The following CHRM3 variants were observed in gnomAD, a reference collection of about 807,000 sequenced individuals.
The protein encoded by CHRM3 is muscarinic acetylcholine receptor M3.
Under a neutral mutation model 41.8 loss-of-function variants are expected in CHRM3, and 11 were observed. The observed-to-expected ratio is 0.26, with a 90% CI of 0.17 to 0.44. CHRM3 has a LOEUF of 0.44. CHRM3 is among the 20% of genes least tolerant of loss of function. The pLI is 1.00. For synonymous variants in CHRM3, 297 were observed against 301.4 expected (o/e 0.99, Z 0.15); for missense variants, 571 against 745.4 (o/e 0.77, Z 2.72).
At chr1:239,762,075 G>A (rs1272783535) in intron 5 of CHRM3, among the ~76,000 whole-genome samples, 1 of 152,124 alleles carries the variant, frequency 6.6e-6, no homozygotes, top group Non-Finnish European at 1.5e-5. Flanking sequence ...GTTGCCCAGG[G>A]TCTGAAAACC....
At chr1:239,458,489 T>C (rs1665121049) in intron 1 of CHRM3, among the ~76,000 whole-genome samples, 1 of 152,178 alleles carries the variant, frequency 6.6e-6, no homozygotes, top group Non-Finnish European at 1.5e-5. Context: ...TATACCAAAA[T>C]GGAAGTCCCT....
chr1:239,645,007 G>C (rs1205721077), intron 4 of CHRM3, among the ~76,000 whole-genome samples: 2 of 152,158 alleles, frequency 1.3e-5, no homozygotes, highest in Non-Finnish European at 2.9e-5. Flanking sequence ...TGTTCAACCT[G>C]TACTGCTACT....
intron 6 of CHRM3, among the ~76,000 whole-genome samples, chr1:239,874,303 A>ATATC (rs796373002): frequency 8.1e-6 from 1 of 123,996 alleles, no homozygotes; most frequent in Non-Finnish European, 1.6e-5. Context: ...ATATATATAT[A>ATATC]TATATATATA....
chr1:239,619,032 A>G (rs1236047430), intron 3 of CHRM3, among the ~76,000 whole-genome samples: 2 of 150,970 alleles, frequency 1.3e-5, no homozygotes, highest in African/African-American at 4.9e-5. Flanking sequence ...CTCTTGCCTC[A>G]GCCTCCCAAG....
chr1:239,787,882 C>T (rs2148841082), intron 5 of CHRM3, among the ~76,000 whole-genome samples: 1 of 152,242 alleles, frequency 6.6e-6, no homozygotes, highest in South Asian at 2.1e-4. Flanking sequence ...ATTTAAAGTA[C>T]ACTGTAATTC....
intron 2 of CHRM3, among the ~76,000 whole-genome samples, chr1:239,525,478 T>C (rs1383715638): frequency 6.6e-6 from 1 of 152,144 alleles, no homozygotes; most frequent in African/African-American, 2.4e-5. Context: ...TTATTTTAAC[T>C]GTAAATCATA....
intron 6 of CHRM3, among the ~76,000 whole-genome samples, chr1:239,833,905 TC>T (rs1245242418): frequency 6.6e-6 from 1 of 152,130 alleles, no homozygotes; most frequent in African/African-American, 2.4e-5. Flanking sequence ...TTCCTGCACT[TC>T]CTTCCTGCTC....
chr1:239,665,924 G>A (rs1057333792), intron 4 of CHRM3, among the ~76,000 whole-genome samples: 1 of 152,106 alleles, frequency 6.6e-6, no homozygotes, highest in Non-Finnish European at 1.5e-5. Context: ...TCAATGATGG[G>A]AATTTGGGTT....
intron 3 of CHRM3, among the ~76,000 whole-genome samples, chr1:239,593,753 A>G (rs1381114087): frequency 6.6e-6 from 1 of 152,200 alleles, no homozygotes; most frequent in Non-Finnish European, 1.5e-5. Context: ...CATGCCTGAC[A>G]TATTACCACA....
At chr1:239,585,040 G>A (rs190839842) in intron 3 of CHRM3, among the ~76,000 whole-genome samples, 52 of 143,344 alleles carry the variant, frequency 3.6e-4, no homozygotes, top group African/African-American at 1.4e-3. Flanking sequence ...TTCTTCAGGT[G>A]AGCAACAATT....
chr1:239,388,212 C>T (rs1054985169), intron 1 of CHRM3, among the ~76,000 whole-genome samples: 3 of 152,242 alleles, frequency 2.0e-5, no homozygotes, highest in African/African-American at 7.2e-5. Flanking sequence ...CCAAAGGCTG[C>T]AAGGATATGT....
chr1:239,471,106 T>C (rs1197424904), intron 1 of CHRM3, among the ~76,000 whole-genome samples: 1 of 152,192 alleles, frequency 6.6e-6, no homozygotes, highest in Non-Finnish European at 1.5e-5. Context: ...TCTAATCTCT[T>C]AAATAGTTCT....
At chr1:239,633,975 G>A (rs1366611695) in intron 4 of CHRM3, among the ~76,000 whole-genome samples, 2 of 152,314 alleles carry the variant, frequency 1.3e-5, no homozygotes, top group East Asian at 3.9e-4. Context: ...AAACACTGCA[G>A]CAGTGCTATT....
chr1:239,494,275 T>G (rs1303114654), intron 2 of CHRM3, among the ~76,000 whole-genome samples: 1 of 152,110 alleles, frequency 6.6e-6, no homozygotes. Flanking sequence ...TAGGGATGGC[T>G]TTCATTGCCG....
chr1:239,860,546 C>T (rs1675554039), intron 6 of CHRM3, among the ~76,000 whole-genome samples: 1 of 152,146 alleles, frequency 6.6e-6, no homozygotes, highest in African/African-American at 2.4e-5. Context: ...GCACATACAT[C>T]AGGAGATATC....
chr1:239,570,630 G>T (rs1366262181), intron 3 of CHRM3, among the ~76,000 whole-genome samples: 3 of 152,142 alleles, frequency 2.0e-5, no homozygotes, highest in African/African-American at 7.2e-5. Flanking sequence ...TTGCAGCTGA[G>T]CATTGATTAC....
At chr1:239,758,327 T>G (rs1666408737) in intron 5 of CHRM3, among the ~76,000 whole-genome samples, 1 of 152,164 alleles carries the variant, frequency 6.6e-6, no homozygotes, top group Non-Finnish European at 1.5e-5. Context: ...TCCCACAGCA[T>G]CTTACTTGGT....
intron 1 of CHRM3, among the ~76,000 whole-genome samples, chr1:239,415,959 A>G (rs958778965): frequency 3.9e-5 from 6 of 152,196 alleles, no homozygotes; most frequent in African/African-American, 1.4e-4. Flanking sequence ...AAAATTAAGG[A>G]AGAAAAGCAG....
chr1:239,717,770 T>G (rs1339225890), intron 5 of CHRM3, among the ~76,000 whole-genome samples: 33 of 152,086 alleles, frequency 2.2e-4, no homozygotes, highest in Admixed American at 2.2e-3. Flanking sequence ...GGTTCTATCC[T>G]TCCTCCTCTA....
Sources: allele counts gnomAD v4.1 joint callset (sites outside exome capture counted in the v4.1 genomes callset), GRCh38; gene constraint gnomAD v4.1.1; transcripts MANE v1.5; gene names NCBI Gene and HGNC (gene_info 2026-07-23, HGNC 2026-07-21).